Variants in POPDC1 observed in about 807,000 individuals in gnomAD.
POPDC1 encodes the protein popeye domain-containing protein 1.
At chr6:105,108,823 G>C in the POPDC1 span, among the ~76,000 whole-genome samples, 2 of 152,190 alleles carry the variant, frequency 1.3e-5, no homozygotes, top group African/African-American at 4.8e-5. Flanking sequence ...TAGACTTTGT[G>C]AAACAATTCA....
the POPDC1 span, among the ~76,000 whole-genome samples, chr6:105,133,149 T>C: frequency 6.6e-6 from 1 of 152,308 alleles, no homozygotes; most frequent in Admixed American, 6.5e-5. Context: ...TGAAAGCACA[T>C]ATAAACAAAG....
chr6:105,099,137 G>C, the POPDC1 span: 1 of 152,244 alleles, frequency 6.6e-6, no homozygotes, highest in African/African-American at 2.4e-5. Context: ...GTGATTACAT[G>C]TGTGAGCCAC....
chr6:105,127,521 T>C, the POPDC1 span, among the ~76,000 whole-genome samples: 1 of 152,192 alleles, frequency 6.6e-6, no homozygotes, highest in African/African-American at 2.4e-5. Flanking sequence ...GGTGTGATCA[T>C]AGCTCACTGC....
At chr6:105,109,763 C>CAAAAAAAAAAAAAAAAAA in the POPDC1 span, among the ~76,000 whole-genome samples, 220 of 22,824 alleles carry the variant, frequency 9.6e-3, 34 homozygotes, top group African/African-American at 0.018. Context: ...GACCCTTTCT[C>CAAAAAAAAAAAAAAAAAA]AAAAAAAAAA....
At chr6:105,119,184 C>CAA in the POPDC1 span, among the ~76,000 whole-genome samples, 12,316 of 110,926 alleles carry the variant, frequency 0.11, 1,351 homozygotes, top group African/African-American at 0.27. Flanking sequence ...GACTCCCTCT[C>CAA]AAAAAAAAAA....
chr6:105,117,682 A>T, the POPDC1 span, among the ~76,000 whole-genome samples: 4 of 152,200 alleles, frequency 2.6e-5, no homozygotes, highest in African/African-American at 9.6e-5. Flanking sequence ...TGCAAGCTTC[A>T]TTATGGCTTA....
the POPDC1 span, among the ~76,000 whole-genome samples, chr6:105,107,033 A>G: frequency 6.6e-6 from 1 of 152,088 alleles, no homozygotes; most frequent in Non-Finnish European, 1.5e-5. Context: ...AGCAAATACT[A>G]GGTCTTATTC....
the POPDC1 span, among the ~76,000 whole-genome samples, chr6:105,127,095 T>C: frequency 6.6e-6 from 1 of 152,206 alleles, no homozygotes; most frequent in African/African-American, 2.4e-5. Flanking sequence ...TGGCAGGCAC[T>C]ATACGAAGCC....
the POPDC1 span, among the ~76,000 whole-genome samples, chr6:105,118,782 G>A: frequency 9.2e-5 from 14 of 152,238 alleles, no homozygotes; most frequent in Admixed American, 2.6e-4. Context: ...TCAAAAATCC[G>A]TTTAAAATAA....
chr6:105,114,779 A>T, the POPDC1 span, among the ~76,000 whole-genome samples: 1 of 152,374 alleles, frequency 6.6e-6, no homozygotes, highest in Non-Finnish European at 1.5e-5. Flanking sequence ...CTATGGAAGA[A>T]TACCGGAAAA....
chr6:105,110,179 G>A, the POPDC1 span, among the ~76,000 whole-genome samples: 4 of 152,188 alleles, frequency 2.6e-5, no homozygotes, highest in Non-Finnish European at 1.5e-5. Context: ...CTCGTAGGGT[G>A]GTTGTGAGGA....
chr6:105,136,919 C>G, the POPDC1 span: 1 of 152,320 alleles, frequency 6.6e-6, no homozygotes, highest in Non-Finnish European at 1.5e-5. Context: ...AGGCCGCACA[C>G]AACCCGGCGC....
the POPDC1 span, among the ~76,000 whole-genome samples, chr6:105,132,656 A>C: frequency 5.4e-3 from 826 of 152,380 alleles, 7 homozygotes; most frequent in African/African-American, 0.019. Flanking sequence ...CAGGGAAATA[A>C]TCACATAGAG....
At chr6:105,101,300 A>C in the POPDC1 span, 1 of 1,356,616 alleles carries the variant, frequency 7.4e-7, no homozygotes, top group South Asian at 1.8e-5. Context: ...TTCCAACTGG[A>C]AAATAAAACT....
chr6:105,133,788 ATACC>A, the POPDC1 span, among the ~76,000 whole-genome samples: 2 of 152,210 alleles, frequency 1.3e-5, no homozygotes, highest in Admixed American at 1.3e-4. Flanking sequence ...GATGGTAATA[ATACC>A]TCATTTGCCT....
the POPDC1 span, among the ~76,000 whole-genome samples, chr6:105,114,493 A>AG: frequency 0.92 from 140,326 of 152,246 alleles, 64,823 homozygotes; most frequent in Non-Finnish European, 0.96. Flanking sequence ...CAAAGTTACA[A>AG]ATCATTTACA....
At chr6:105,099,912 A>C in the POPDC1 span, 1 of 152,140 alleles carries the variant, frequency 6.6e-6, no homozygotes, top group Non-Finnish European at 1.5e-5. Flanking sequence ...ACCCTACATA[A>C]AGTGTTTCCC....
chr6:105,130,413 T>C, the POPDC1 span, among the ~76,000 whole-genome samples: 1 of 152,200 alleles, frequency 6.6e-6, no homozygotes, highest in Non-Finnish European at 1.5e-5. Context: ...TTTGTGATTG[T>C]TTACTTAGTC....
chr6:105,136,918 A>G, the POPDC1 span: 2 of 152,258 alleles, frequency 1.3e-5, no homozygotes, highest in African/African-American at 2.4e-5. Flanking sequence ...GAGGCCGCAC[A>G]CAACCCGGCG....
Sources: gnomAD v4.1 joint callset for allele counts (sites outside exome capture counted in the v4.1 genomes callset) on GRCh38, gnomAD v4.1.1 for gene constraint, MANE v1.5 for transcripts, NCBI Gene and HGNC (gene_info 2026-07-23, HGNC 2026-07-21) for gene names.